NCOR1: variants seen among roughly 807,000 people sequenced by gnomAD.
NCOR1 encodes protein phosphatase 1, regulatory subunit 109.
NCOR1 carries 63 observed loss-of-function variants against 288.1 expected under a neutral mutation model. The ratio of observed to expected loss-of-function variants is 0.22; its 90% confidence interval spans 0.18 to 0.27. The LOEUF (loss-of-function observed/expected upper bound fraction) is 0.27, where lower values mean the gene tolerates loss of function less well. Ranked by LOEUF, NCOR1 falls within the 10% of genes least tolerant of loss-of-function variation. The probability of loss-of-function intolerance (pLI) is 1.00; values close to 1 mark genes in which losing one functional copy is unlikely to be tolerated. For missense variants in NCOR1, 2,397 were observed against 3,019.2 expected, an observed-to-expected ratio of 0.79 and a Z score of 4.83; for synonymous variants, 1,007 against 1,065.9, an observed-to-expected ratio of 0.94 and a Z score of 1.08.
At chr17:16,149,160 A>G (rs2078477286) in intron 9 of NCOR1, among the ~76,000 whole-genome samples, 1 of 151,960 alleles carries the variant, frequency 6.6e-6, no homozygotes, top group East Asian at 1.9e-4. Context: ...ATTATCTTTC[A>G]TATTCTTTTA....
intron 11 of NCOR1, 83 bp from the exon 12 acceptor site, chr17:16,139,269 ACTAAAAAACC>A (rs1449867852): frequency 8.7e-7 from 1 of 1,150,342 alleles, no homozygotes; most frequent in African/African-American, 1.6e-5. Flanking sequence ...CTTAATGTGC[ACTAAAAAACC>A]ATGTATGCAG....
intron 1 of NCOR1, among the ~76,000 whole-genome samples, chr17:16,207,468 G>A (rs577343858): frequency 3.9e-5 from 6 of 152,182 alleles, no homozygotes; most frequent in Non-Finnish European, 7.4e-5. Context: ...TTGGCGGGGC[G>A]CAGTGGCTCA....
chr17:16,127,574 T>TATACACATGTGTATATATGTATGTATAC lies in NCOR1; in HGVS notation c.1510-1369_1510-1368insGTATACATACATATATACACATGTGTAT, dbSNP rs1568205851. On this transcript the variant is annotated intron_variant, in intron 14 of 45. Transcript: ENST00000268712. ...ACACATGTGTATATATGTATGTATA[T>TATACACATGTGTATATATGTATGTATAC]ATACATATGTGTATATATGTATGTA... Among the ~76,000 whole-genome samples, 9 of 137,998 alleles carry TATACACATGTGTATATATGTATGTATAC rather than the reference T, an allele frequency of 6.5e-5. 1 individual carries two copies. The highest frequency in any genetic ancestry group is 2.1e-4 in the East Asian group (1 of 4,668). 90.5% of individuals were successfully genotyped at this position (137,998 alleles called of 152,430 possible).
chr17:16,159,011 T>C (rs2080275616), intron 5 of NCOR1, 138 bp from the exon 6 acceptor site: 3 of 495,432 alleles, frequency 6.1e-6, no homozygotes, highest in South Asian at 3.7e-5. Context: ...GAAGGTCTCA[T>C]GGACCAAGAG....
chr17:16,157,480 A>C (rs1035125838), intron 6 of NCOR1, among the ~76,000 whole-genome samples: 2 of 152,110 alleles, frequency 1.3e-5, no homozygotes, highest in Non-Finnish European at 2.9e-5. Flanking sequence ...TTATTTATTC[A>C]ACTTTTAAAT....
At chr17:16,037,692 G>A (rs1344699182) in intron 44 of NCOR1, among the ~76,000 whole-genome samples, 1 of 152,120 alleles carries the variant, frequency 6.6e-6, no homozygotes. Context: ...ATATGTAAAG[G>A]AAAAACTGCA....
chr17:16,193,039 G>C (rs1322110035), intron 2 of NCOR1, among the ~76,000 whole-genome samples: 1 of 152,146 alleles, frequency 6.6e-6, no homozygotes, highest in African/African-American at 2.4e-5. Flanking sequence ...CGGGGAGGAG[G>C]ACTGACACGG....
chr17:16,181,112 T>C (rs1408892927), intron 3 of NCOR1, among the ~76,000 whole-genome samples: 1 of 151,792 alleles, frequency 6.6e-6, no homozygotes, highest in African/African-American at 2.4e-5. Flanking sequence ...TGAACCAAGG[T>C]TGTGCCATTG....
At chr17:16,077,609 AAGGAAGGG>A (rs1344621629) in intron 26 of NCOR1, among the ~76,000 whole-genome samples, 24 of 142,438 alleles carry the variant, frequency 1.7e-4, no homozygotes, top group South Asian at 2.4e-4. Flanking sequence ...GGGAAAAGAA[AAGGAAGGG>A]AGGAAGGGAG....
chr17:16,128,661 T>C (rs1457979533), intron 14 of NCOR1, among the ~76,000 whole-genome samples: 1 of 152,238 alleles, frequency 6.6e-6, no homozygotes, highest in Non-Finnish European at 1.5e-5. Context: ...TCTTGCCTCA[T>C]AGCAACTCTA....
intron 3 of NCOR1, among the ~76,000 whole-genome samples, chr17:16,178,100 T>G (rs745614104): frequency 6.6e-6 from 1 of 151,920 alleles, no homozygotes; most frequent in Admixed American, 6.6e-5. Context: ...TCCCAGCTAC[T>G]CTAGAGGCTG....
intron 10 of NCOR1, among the ~76,000 whole-genome samples, chr17:16,144,760 G>A (rs1175721936): frequency 2.0e-5 from 3 of 146,674 alleles, no homozygotes; most frequent in African/African-American, 5.1e-5. Context: ...CGCTTTCCAC[G>A]ATCTCCCTCT....
At chr17:16,202,948 G>C (rs1259010968) in intron 1 of NCOR1, among the ~76,000 whole-genome samples, 4 of 152,036 alleles carry the variant, frequency 2.6e-5, no homozygotes, top group Non-Finnish European at 4.4e-5. Context: ...GTAAAGATCA[G>C]CTCTGTTCTG....
chr17:16,191,401 T>A (rs578015738), intron 2 of NCOR1, among the ~76,000 whole-genome samples: 10 of 152,118 alleles, frequency 6.6e-5, no homozygotes, highest in Non-Finnish European at 1.2e-4. Context: ...AAGGACTTCA[T>A]CTCTCTTTAC....
At chr17:16,060,635 CT>C (rs1305119096) in intron 37 of NCOR1, among the ~76,000 whole-genome samples, 8 of 152,164 alleles carry the variant, frequency 5.3e-5, no homozygotes, top group Non-Finnish European at 1.2e-4. Flanking sequence ...ATCAAAAGAA[CT>C]GCACATTGCA....
At chr17:16,069,378 C>T (rs2061485922) in intron 31 of NCOR1, among the ~76,000 whole-genome samples, 1 of 152,216 alleles carries the variant, frequency 6.6e-6, no homozygotes, top group African/African-American at 2.4e-5. Context: ...ACGCCCCTCA[C>T]ACCCGCCAAA....
At chr17:16,183,704 C>A (rs2086014626) in intron 3 of NCOR1, among the ~76,000 whole-genome samples, 1 of 152,010 alleles carries the variant, frequency 6.6e-6, no homozygotes, top group Non-Finnish European at 1.5e-5. Context: ...TTATTAAAAT[C>A]CCAATGGGGT....
In NCOR1 at chr17:16,080,067, G is replaced by C. The variant is rs987494894; in HGVS notation, c.3401-3C>G. 6.2e-7 allele frequency: 1 copy of C among 1,612,558 alleles called. No individual in the cohort carries two copies. On this transcript the variant is annotated splice_region_variant and splice_polypyrimidine_tract_variant and intron_variant, in intron 25 of 45. Coordinates refer to ENST00000268712, the MANE Select transcript of NCOR1 (RefSeq NM_006311.4). ...TTCTTGTATGGCTCCTGCGGTACCTGAATACAAACAAAGCTATTAGCAAAT... is the reference window on the plus strand; with the variant it reads ...TTCTTGTATGGCTCCTGCGGTACCTCAATACAAACAAAGCTATTAGCAAAT...
At chr17:16,150,382 A>G (rs2078661780) in intron 8 of NCOR1, among the ~76,000 whole-genome samples, 1 of 152,176 alleles carries the variant, frequency 6.6e-6, no homozygotes, top group Non-Finnish European at 1.5e-5. Flanking sequence ...GTGATGAAAG[A>G]ATAGCTACTG....
Sources: allele counts gnomAD v4.1 joint callset (sites outside exome capture counted in the v4.1 genomes callset), GRCh38; gene constraint gnomAD v4.1.1; transcripts MANE v1.5; gene names NCBI Gene and HGNC (gene_info 2026-07-23, HGNC 2026-07-21).